The following ARMH4 variants were observed in gnomAD, a reference collection of about 807,000 sequenced individuals.
ARMH4 encodes the protein armadillo like helical domain containing 4, also known as armadillo-like helical domain-containing protein 4.
Under a neutral mutation model 61.9 loss-of-function variants are expected in ARMH4, and 49 were observed. That is an observed-to-expected ratio of 0.79 (90% CI 0.63 to 1.00). The LOEUF (loss-of-function observed/expected upper bound fraction) is 1.00. ARMH4 is among the 50% of genes least tolerant of loss of function. ARMH4 has a pLI of 0.00. For missense variants in ARMH4, 934 were observed against 930.0 expected (o/e 1.00, Z -0.06); for synonymous variants, 368 against 341.5 (o/e 1.08, Z -0.85).
chr14:58,130,642 A>G (rs1162166473), intron 4 of ARMH4, among the ~76,000 whole-genome samples: 4 of 152,206 alleles, frequency 2.6e-5, no homozygotes, highest in African/African-American at 7.2e-5. Flanking sequence ...GCCGTGCCTC[A>G]AGTTTCTTTT....
chr14:58,026,036 T>C (rs1253164294), intron 5 of ARMH4, among the ~76,000 whole-genome samples: 1 of 151,938 alleles, frequency 6.6e-6, no homozygotes, highest in African/African-American at 2.4e-5. Context: ...ACTAGATACC[T>C]AGTGGGAAGA....
intron 5 of ARMH4, among the ~76,000 whole-genome samples, chr14:58,069,462 A>G (rs2141225483): frequency 6.6e-6 from 1 of 152,366 alleles, no homozygotes. Context: ...GAAGTAATAG[A>G]TTAATGAGAA....
At chr14:58,145,220 A>C (rs1427152110) in intron 1 of ARMH4, among the ~76,000 whole-genome samples, 3 of 149,242 alleles carry the variant, frequency 2.0e-5, no homozygotes, top group African/African-American at 7.3e-5. Flanking sequence ...TGATTCCTGA[A>C]TCTTAGCTTT....
At chr14:58,083,187 C>T (rs1411787102) in intron 5 of ARMH4, among the ~76,000 whole-genome samples, 1 of 152,160 alleles carries the variant, frequency 6.6e-6, no homozygotes, top group Non-Finnish European at 1.5e-5. Context: ...CAGATACATT[C>T]CCACCTATCC....
At position 58,003,763 on chromosome 14, in the gene ARMH4, A is replaced by G. The variant is rs571273748; in HGVS notation, c.*973T>C. ...GATAGAATGTCTATTTTTCTAATAA[A>G]GCCATATAAGGACCAATGGTAGCCC... On this transcript the variant is annotated 3_prime_UTR_variant, in exon 8 of 8. Transcript: ENST00000267485. 8 of 152,314 alleles carry G rather than the reference A, an allele frequency of 5.3e-5. No homozygotes were observed. The highest frequency in any genetic ancestry group is 1.7e-4 in the African/African-American group (7 of 41,564). The allele number at this position is 152,314 out of a possible 1,614,324, so 9.4% of individuals were successfully genotyped here. A position where few individuals can be genotyped will look rare whatever the true frequency, so the allele number is the denominator to read the frequency against.
At position 58,138,347 on chromosome 14, in the gene ARMH4, C is replaced by T. The variant is rs749266274; in HGVS notation, c.1012G>A (p.Val338Met). 3.7e-6 allele frequency: 6 copies of T among 1,614,082 alleles called. No homozygotes were observed. The highest frequency in any genetic ancestry group is 1.1e-5 in the South Asian group (1 of 91,086). ...PKLGDNEETQVRTEMSQTAQV... is the reference protein window; with the variant it reads ...PKLGDNEETQMRTEMSQTAQV... Reference sequence around the variant, plus strand: ...GCTGTCTGAGACATCTCCGTTCTCACCTGAGTCTCTTCATTGTCTCCAAGC... The same window carrying T: ...GCTGTCTGAGACATCTCCGTTCTCATCTGAGTCTCTTCATTGTCTCCAAGC... Residue 338 changes from valine to methionine, a missense_variant, in exon 2 of 8, where the codon GTG becomes ATG. Coordinates refer to ENST00000267485, the MANE Select transcript of ARMH4 (RefSeq NM_001001872.4).
chr14:58,105,199 A>G (rs1886131385), intron 4 of ARMH4, among the ~76,000 whole-genome samples: 1 of 152,242 alleles, frequency 6.6e-6, no homozygotes. Flanking sequence ...TAAAGAACTC[A>G]ATCAAATAAC....
At chr14:58,131,780 C>G in intron 3 of ARMH4, 59 bp from the exon 4 acceptor site, 1 of 1,499,034 alleles carries the variant, frequency 6.7e-7, no homozygotes, top group Non-Finnish European at 9.2e-7. Flanking sequence ...CAAATGTAAG[C>G]ATGTGCTTTC....
Position 58,036,636 on chromosome 14 carries a change from G to C in ARMH4, c.2090-24486C>G, listed in dbSNP as rs1174849244. On this transcript the variant is annotated intron_variant, in intron 5 of 7. Transcript: ENST00000267485. ...GTCCCTGTTTGCAGATGACATGACT[G>C]TTTATCTAGAAAACCCCATTGTCTC... Among the ~76,000 whole-genome samples the C allele has an allele frequency of 3.0e-5, 4 of 131,990 alleles. No individual in the cohort carries two copies. In the East Asian group the frequency reaches 6.3e-4, roughly 21 times the overall value. The allele number at this position is 131,990 out of a possible 152,430, so 86.6% of individuals were successfully genotyped here. A position where few individuals can be genotyped will look rare whatever the true frequency, so the allele number is the denominator to read the frequency against.
intron 5 of ARMH4, among the ~76,000 whole-genome samples, chr14:58,021,043 T>G (rs1235180999): frequency 6.6e-6 from 1 of 152,214 alleles, no homozygotes; most frequent in East Asian, 1.9e-4. Context: ...GTCTCAGTTT[T>G]CAGGCTGTCA....
At chr14:58,054,505 T>C (rs1279104201) in intron 5 of ARMH4, among the ~76,000 whole-genome samples, 1 of 152,222 alleles carries the variant, frequency 6.6e-6, no homozygotes, top group Non-Finnish European at 1.5e-5. Flanking sequence ...GTAATGTCAC[T>C]TGCCAGTGAA....
At chr14:58,146,829 A>G (rs1382697543) in intron 1 of ARMH4, among the ~76,000 whole-genome samples, 3 of 152,332 alleles carry the variant, frequency 2.0e-5, no homozygotes, top group East Asian at 3.8e-4. Context: ...AGGGAAACCA[A>G]TATGTTAAAT....
At chr14:58,097,876 C>T (rs11626913) in intron 4 of ARMH4, among the ~76,000 whole-genome samples, 77,171 of 151,610 alleles carry the variant, frequency 0.51, 19,910 homozygotes, top group African/African-American at 0.55. Flanking sequence ...TCACCACAAG[C>T]TGTCATTTTC....
chr14:58,098,069 C>T (rs1017957973), intron 4 of ARMH4, among the ~76,000 whole-genome samples: 1 of 152,078 alleles, frequency 6.6e-6, no homozygotes, highest in Admixed American at 6.5e-5. Context: ...CCTTGACTCT[C>T]GGCACAGCAG....
intron 5 of ARMH4, among the ~76,000 whole-genome samples, chr14:58,055,631 C>T (rs1472667483): frequency 6.6e-6 from 1 of 152,204 alleles, no homozygotes; most frequent in African/African-American, 2.4e-5. Flanking sequence ...ATCAGGGAAT[C>T]ATCTGGGAGC....
rs140690369 is a variant in ARMH4, at chr14:58,079,252, T to C, written c.2089+17472A>G. 4.6e-3 allele frequency among the ~76,000 whole-genome samples: 701 copies of C among 152,298 alleles called. 4 individuals are homozygous for C. The highest frequency in any genetic ancestry group is 6.7e-3 in the Non-Finnish European group (459 of 68,036). ...GTAATTTATAAAGAAAAAAAGAAAC[T>C]TATTTCTCACAGTTCTGGAAGCTGG... On this transcript the variant is annotated intron_variant, in intron 5 of 7. Transcript: ENST00000267485.
chr14:58,086,608 C>A lies in ARMH4; in HGVS notation c.2089+10116G>T, dbSNP rs1885391081. On this transcript the variant is annotated intron_variant, in intron 5 of 7. Transcript: ENST00000267485. ...CCAGGAGAGATGCAATAGAGCATCCCCTTTCTCCTCCCAACTGTGCTTGAA... is the reference window on the plus strand; with the variant it reads ...CCAGGAGAGATGCAATAGAGCATCCACTTTCTCCTCCCAACTGTGCTTGAA... 2.0e-5 allele frequency among the ~76,000 whole-genome samples: 3 copies of A among 152,106 alleles called. No homozygotes were observed. The South Asian group carries it at 6.2e-4, about 32-fold the overall frequency.
At chr14:58,108,434 C>T (rs889654284) in intron 4 of ARMH4, among the ~76,000 whole-genome samples, 1 of 152,198 alleles carries the variant, frequency 6.6e-6, no homozygotes, top group Non-Finnish European at 1.5e-5. Flanking sequence ...TACTGTTACA[C>T]CTATCTGCAT....
chr14:58,013,097 T>C (rs72714765), intron 5 of ARMH4, among the ~76,000 whole-genome samples: 5,345 of 152,316 alleles, frequency 0.035, 129 homozygotes, highest in Middle Eastern at 0.051. Context: ...TTTTAAGATT[T>C]CCTGAAATTT....
Sources: allele counts gnomAD v4.1 joint callset (sites outside exome capture counted in the v4.1 genomes callset), GRCh38; gene constraint gnomAD v4.1.1; transcripts MANE v1.5; gene names NCBI Gene and HGNC (gene_info 2026-07-23, HGNC 2026-07-21).